Variants in ATXN1 observed in about 807,000 individuals in gnomAD.
The protein encoded by ATXN1 is ataxin-1.
A neutral mutation model predicts 56.4 loss-of-function variants in ATXN1; 8 were observed. The ratio of observed to expected loss-of-function variants is 0.14; its 90% confidence interval spans 0.08 to 0.26. The LOEUF (loss-of-function observed/expected upper bound fraction) is 0.26, where lower values mean the gene tolerates loss of function less well. Ranked by LOEUF, ATXN1 falls within the 10% of genes least tolerant of loss-of-function variation. The pLI is 1.00. For missense variants in ATXN1, 987 were observed against 1,106.5 expected (o/e 0.89, Z 1.53); for synonymous variants, 514 against 494.6 (o/e 1.04, Z -0.52).
chr6:16,387,211 A>G (rs771233905), intron 6 of ATXN1, among the ~76,000 whole-genome samples: 1 of 152,124 alleles, frequency 6.6e-6, no homozygotes, highest in Non-Finnish European at 1.5e-5. Flanking sequence ...ACTCTCAACT[A>G]ACCATGAGAA....
At chr6:16,423,126 G>C (rs1012256490) in intron 6 of ATXN1, among the ~76,000 whole-genome samples, 1 of 152,118 alleles carries the variant, frequency 6.6e-6, no homozygotes, top group Non-Finnish European at 1.5e-5. Context: ...TTAGCCATCA[G>C]GTCTGAAAAC....
intron 6 of ATXN1, among the ~76,000 whole-genome samples, chr6:16,438,973 T>A (rs558353508): frequency 2.0e-5 from 3 of 152,040 alleles, no homozygotes; most frequent in African/African-American, 7.2e-5. Flanking sequence ...TCTAACAGAG[T>A]CATTAATAGA....
chr6:16,592,158 TC>T (rs1012885645), intron 3 of ATXN1, among the ~76,000 whole-genome samples: 1 of 152,112 alleles, frequency 6.6e-6, no homozygotes, highest in Admixed American at 6.5e-5. Context: ...AAGCGACGAC[TC>T]CCGGGAGAGC....
chr6:16,734,437 AAAG>A (rs1193754617), intron 2 of ATXN1, among the ~76,000 whole-genome samples: 1 of 152,188 alleles, frequency 6.6e-6, no homozygotes, highest in Non-Finnish European at 1.5e-5. Flanking sequence ...AGTAGGGAAA[AAAG>A]AAGAGAAAAA....
chr6:16,519,002 T>C (rs1761237532), intron 5 of ATXN1, among the ~76,000 whole-genome samples: 1 of 152,190 alleles, frequency 6.6e-6, no homozygotes, highest in South Asian at 2.1e-4. Context: ...TATCTTTTCT[T>C]TGAAGAACTG....
chr6:16,467,042 T>G (rs1287663072), intron 6 of ATXN1, among the ~76,000 whole-genome samples: 1 of 152,096 alleles, frequency 6.6e-6, no homozygotes, highest in Non-Finnish European at 1.5e-5. Context: ...CACATCCTGA[T>G]GCACAAGGGA....
chr6:16,702,153 CA>C (rs1485347717), intron 2 of ATXN1, among the ~76,000 whole-genome samples: 2 of 152,100 alleles, frequency 1.3e-5, no homozygotes, highest in Non-Finnish European at 2.9e-5. Context: ...ACCAATGGAA[CA>C]GAACAGAGCC....
chr6:16,542,778 A>G (rs1761739838), intron 4 of ATXN1, among the ~76,000 whole-genome samples: 1 of 152,182 alleles, frequency 6.6e-6, no homozygotes, highest in Non-Finnish European at 1.5e-5. Flanking sequence ...GTTTTTTCCT[A>G]TACATATACA....
At chr6:16,680,821 A>T (rs1174864274) in intron 2 of ATXN1, among the ~76,000 whole-genome samples, 1 of 152,222 alleles carries the variant, frequency 6.6e-6, no homozygotes, top group Non-Finnish European at 1.5e-5. Flanking sequence ...TTTAGGACTA[A>T]ACAGCTGTGG....
At chr6:16,405,541 T>C (rs963731187) in intron 6 of ATXN1, among the ~76,000 whole-genome samples, 1 of 152,220 alleles carries the variant, frequency 6.6e-6, no homozygotes, top group African/African-American at 2.4e-5. Context: ...ACATTGGTGA[T>C]GCAGGAAGCA....
intron 3 of ATXN1, among the ~76,000 whole-genome samples, chr6:16,624,817 T>C (rs887472330): frequency 1.3e-5 from 2 of 152,194 alleles, no homozygotes; most frequent in Non-Finnish European, 2.9e-5. Flanking sequence ...GCTACTACCA[T>C]ATGCCCGAGG....
chr6:16,450,964 A>G (rs1039117629), intron 6 of ATXN1, among the ~76,000 whole-genome samples: 7 of 152,202 alleles, frequency 4.6e-5, no homozygotes, highest in Non-Finnish European at 7.3e-5. Context: ...TAGAACAAAG[A>G]TTAAAGTAGA....
intron 4 of ATXN1, among the ~76,000 whole-genome samples, chr6:16,575,221 C>A (rs1762401612): frequency 6.7e-6 from 1 of 150,080 alleles, no homozygotes; most frequent in African/African-American, 2.5e-5. Flanking sequence ...CTACGAATTT[C>A]CTGTTTCTGC....
intron 6 of ATXN1, among the ~76,000 whole-genome samples, chr6:16,435,637 A>G (rs1486215866): frequency 6.6e-6 from 1 of 152,052 alleles, no homozygotes; most frequent in Non-Finnish European, 1.5e-5. Flanking sequence ...CATGGAAATC[A>G]CTGATGACCA....
At chr6:16,621,236 G>A (rs879902097) in intron 3 of ATXN1, among the ~76,000 whole-genome samples, 1 of 152,178 alleles carries the variant, frequency 6.6e-6, no homozygotes. Context: ...CTTCCTTCTT[G>A]ACACCTTGTC....
chr6:16,632,116 C>T (rs1171652299), intron 3 of ATXN1, among the ~76,000 whole-genome samples: 1 of 152,110 alleles, frequency 6.6e-6, no homozygotes, highest in African/African-American at 2.4e-5. Flanking sequence ...AGATGCCTTC[C>T]TTTTCCTCTC....
intron 2 of ATXN1, among the ~76,000 whole-genome samples, chr6:16,706,512 C>T (rs984569930): frequency 7.9e-5 from 12 of 152,052 alleles, no homozygotes; most frequent in African/African-American, 2.9e-4. Context: ...ATCACGAGGT[C>T]AGGAGTTCAA....
At chr6:16,502,265 C>A (rs748595599) in intron 5 of ATXN1, among the ~76,000 whole-genome samples, 4 of 152,152 alleles carry the variant, frequency 2.6e-5, no homozygotes, top group Non-Finnish European at 5.9e-5. Context: ...CATCTTCAAC[C>A]ACATTTCAGG....
intron 6 of ATXN1, among the ~76,000 whole-genome samples, chr6:16,469,834 G>A (rs545593516): frequency 1.3e-5 from 2 of 151,956 alleles, no homozygotes; most frequent in South Asian, 4.2e-4. Flanking sequence ...GTGGTGGCGG[G>A]CACCTGTAAT....
Sources: allele counts gnomAD v4.1 joint callset (sites outside exome capture counted in the v4.1 genomes callset), GRCh38; gene constraint gnomAD v4.1.1; transcripts MANE v1.5; gene names NCBI Gene and HGNC (gene_info 2026-07-23, HGNC 2026-07-21).